The following DOP1B variants were observed in gnomAD, a reference collection of about 807,000 sequenced individuals.
DOP1B encodes the protein DOP1 leucine zipper like protein B.
A neutral mutation model predicts 233.5 loss-of-function variants in DOP1B; 174 were observed. The observed-to-expected ratio is 0.75, with a 90% CI of 0.66 to 0.85. The LOEUF (loss-of-function observed/expected upper bound fraction) is 0.85. Among genes scored for constraint, DOP1B ranks in the 40% least tolerant of loss-of-function variants. The probability of loss-of-function intolerance (pLI) is 0.00; values close to 1 mark genes in which losing one functional copy is unlikely to be tolerated. For synonymous variants in DOP1B, 1,190 were observed against 1,185.6 expected, an observed-to-expected ratio of 1.00 and a Z score of -0.08; for missense variants, 2,652 against 2,846.6, an observed-to-expected ratio of 0.93 and a Z score of 1.56.
intron 12 of DOP1B, among the ~76,000 whole-genome samples, chr21:36,227,383 T>TA (rs1291396099): frequency 6.8e-6 from 1 of 146,176 alleles, no homozygotes; most frequent in Non-Finnish European, 1.5e-5. Context: ...CCATCTCTAC[T>TA]AAACATACAA....
chr21:36,253,741 GC>G (rs1380940308), intron 22 of DOP1B, 30 bp from the exon 23 acceptor site: 1 of 1,605,810 alleles, frequency 6.2e-7, no homozygotes, highest in East Asian at 2.2e-5. Flanking sequence ...CTCTCTATAA[GC>G]TTTCAAGGAA....
At chr21:36,259,535 A>G (rs1216210685) in intron 23 of DOP1B, among the ~76,000 whole-genome samples, 1 of 152,184 alleles carries the variant, frequency 6.6e-6, no homozygotes, top group Non-Finnish European at 1.5e-5. Context: ...GGCTTCCCAA[A>G]CTTCCGGGAT....
intron 10 of DOP1B, among the ~76,000 whole-genome samples, chr21:36,222,116 C>A (rs978770391): frequency 6.6e-6 from 1 of 151,734 alleles, no homozygotes; most frequent in Non-Finnish European, 1.5e-5. Flanking sequence ...AAGTGATCTG[C>A]CTGCCTCGGC....
At chr21:36,291,001 TG>T (rs1278299997) in intron 35 of DOP1B, among the ~76,000 whole-genome samples, 1 of 148,464 alleles carries the variant, frequency 6.7e-6, no homozygotes, top group African/African-American at 2.5e-5. Context: ...CAGTGGCTCA[TG>T]TCTGTAACCC....
At chr21:36,186,956 T>A (rs1333106900) in intron 2 of DOP1B, among the ~76,000 whole-genome samples, 1 of 152,020 alleles carries the variant, frequency 6.6e-6, no homozygotes, top group African/African-American at 2.4e-5. Context: ...CCATTGACTT[T>A]CGGGGCCCGT....
At chr21:36,252,615 G>A (rs62232367) in intron 22 of DOP1B, among the ~76,000 whole-genome samples, 31,760 of 150,884 alleles carry the variant, frequency 0.21, 4,314 homozygotes, top group Non-Finnish European at 0.3. Flanking sequence ...CTGAGTTTAA[G>A]CAATTCTCCT....
chr21:36,243,866 T>C (rs2066921912), intron 18 of DOP1B, among the ~76,000 whole-genome samples: 1 of 151,260 alleles, frequency 6.6e-6, no homozygotes, highest in Admixed American at 6.6e-5. Flanking sequence ...AGAGATGGAG[T>C]TTTTCCATGT....
chr21:36,166,749 A>G (rs1385010113), intron 2 of DOP1B, among the ~76,000 whole-genome samples: 4 of 152,142 alleles, frequency 2.6e-5, no homozygotes, highest in Non-Finnish European at 5.9e-5. Flanking sequence ...CCCCAGGCCA[A>G]ACACACCAGG....
chr21:36,181,611 C>T (rs2066099478), intron 2 of DOP1B, among the ~76,000 whole-genome samples: 1 of 152,192 alleles, frequency 6.6e-6, no homozygotes, highest in Non-Finnish European at 1.5e-5. Context: ...ACGTGGCTTT[C>T]ACAGTTCCTC....
intron 32 of DOP1B, 108 bp from the exon 33 acceptor site, chr21:36,287,906 T>C: frequency 7.2e-7 from 1 of 1,383,446 alleles, no homozygotes. Context: ...TTCCTTACAC[T>C]GGGTTGTTAC....
Position 36,288,135 on chromosome 21 carries a change from A to G in DOP1B, c.6282A>G (p.Ile2094Met). Residue 2094 changes from isoleucine to methionine, a missense_variant, in exon 33 of 37, where the codon ATA (isoleucine) becomes ATG (methionine). Ile to Met is a conservative substitution (Grantham distance 10). This residue lies in a region of DOP1B where 2,617 missense variants were observed against 2,794.3 expected (regional missense o/e 0.94). Coordinates refer to ENST00000691173, the MANE Select transcript of DOP1B (RefSeq NM_001320714.2). Reference protein sequence around the residue: ...SPQHLTSLWPIMVSELIQTFT... With the variant: ...SPQHLTSLWPMMVSELIQTFT... The stretch of plus-strand genomic sequence containing the variant: ...AACATTTGACTTCATTGTGGCCAAT[A>G]ATGGTCTCTGAATTGGTGAGTACAA... 1 of 1,613,714 alleles carries G rather than the reference A, an allele frequency of 6.2e-7. No homozygotes were observed. Among genetic ancestry groups the G allele is most frequent in the Non-Finnish European group, 8.5e-7 (1 of 1,179,928 alleles).
intron 32 of DOP1B, among the ~76,000 whole-genome samples, chr21:36,286,211 C>T (rs7280997): frequency 0.41 from 62,841 of 151,594 alleles, 13,102 homozygotes; most frequent in Middle Eastern, 0.51. Context: ...TGAAAGGATA[C>T]GAAGGTGCAA....
chr21:36,230,137 A>C (rs74276131), intron 13 of DOP1B, among the ~76,000 whole-genome samples: 10,557 of 152,220 alleles, frequency 0.069, 662 homozygotes, highest in East Asian at 0.25. Flanking sequence ...CGCCTGGCAG[A>C]AACAATTCTT....
In DOP1B at chr21:36,251,219, C is replaced by G. The variant is rs1253603011; in HGVS notation, c.5056C>G (p.Gln1686Glu). 1 of 1,614,016 alleles carries G rather than the reference C, an allele frequency of 6.2e-7. No homozygotes were observed. The highest frequency in any genetic ancestry group is 8.5e-7 in the Non-Finnish European group (1 of 1,179,994). Residue 1686 changes from glutamine (Q) to glutamate (E), a missense_variant, in exon 22 of 37, where the codon CAG becomes GAG. Coordinates refer to ENST00000691173, the MANE Select transcript of DOP1B (RefSeq NM_001320714.2). ...CCCCTTGACGGCCCATCTTGGGGTT[C>G]AGTTGACAGCGGCTGTTGCGGCAGT... ...LNPLTAHLGVQLTAAVAAVWS... is the reference protein window; with the variant it reads ...LNPLTAHLGVELTAAVAAVWS...
In DOP1B at chr21:36,200,363, C is replaced by T. The variant is rs944654306; in HGVS notation, c.353C>T (p.Ala118Val). The T allele has an allele frequency of 3.7e-6, 6 of 1,608,074 alleles. No individual in the cohort carries two copies. Among genetic ancestry groups the T allele is most frequent in the South Asian group, 1.1e-5 (1 of 90,406 alleles). The change falls in exon 4 of 37, where the codon GCG (alanine) becomes GTG (valine). Residue 118 changes from alanine (A) to valine (V), a missense_variant. Around this residue, in one of 3 missense-constraint regions of DOP1B, gnomAD observed 2,617 missense variants for 2,794.3 expected, o/e 0.94. Coordinates refer to ENST00000691173, the MANE Select transcript of DOP1B (RefSeq NM_001320714.2). ...CGLFPLLAHA[A>V]VSVRPVLLTL... ...TTATTTCCTCTCCTGGCACACGCGG[C>T]GGTGTCGGTGAGGCCGGTGCTGCTC...
chr21:36,165,663 C>A lies in DOP1B; in HGVS notation c.138+792C>A, dbSNP rs116048366. Among the ~76,000 whole-genome samples the A allele has an allele frequency of 9.5e-3, 1,452 of 152,046 alleles. 25 individuals carry two copies. Among genetic ancestry groups the A allele is most frequent in the African/African-American group, 0.032 (1,323 of 41,448 alleles). ...CACTGGGTTCTCACTGGAGCATAAACCCTATCGTGAACTGCACATGTGAGG... is the reference window on the plus strand; with the variant it reads ...CACTGGGTTCTCACTGGAGCATAAAACCTATCGTGAACTGCACATGTGAGG... On this transcript the variant is annotated intron_variant, in intron 2 of 36. Coordinates refer to ENST00000691173, the MANE Select transcript of DOP1B (RefSeq NM_001320714.2).
chr21:36,288,990 G>A (rs1318098496), intron 34 of DOP1B, 55 bp from the exon 35 acceptor site: 1 of 1,583,088 alleles, frequency 6.3e-7, no homozygotes, highest in Non-Finnish European at 8.6e-7. Context: ...ATAGGTGAAT[G>A]GACTATAACA....
rs2067414268 is a variant in DOP1B at position 36,281,421 on chromosome 21, C to T, written c.6032-62C>T. 2.3e-5 allele frequency: 34 copies of T among 1,497,038 alleles called. 2 individuals are homozygous for T. In the South Asian group the frequency reaches 3.1e-4, roughly 14 times the overall value. 92.7% of individuals were successfully genotyped at this position (1,497,038 alleles called of 1,614,324 possible). On this transcript the variant is annotated intron_variant, in intron 31 of 36. Transcript: ENST00000691173. ...TATAGAATTACACTAGTATGAATTTCCCATCACTTCCCTCCAATTGTGGTT... is the reference window on the plus strand; with the variant it reads ...TATAGAATTACACTAGTATGAATTTTCCATCACTTCCCTCCAATTGTGGTT...
intron 15 of DOP1B, among the ~76,000 whole-genome samples, chr21:36,233,884 C>T (rs906964811): frequency 3.3e-5 from 5 of 152,010 alleles, no homozygotes; most frequent in Admixed American, 6.6e-5. Context: ...GACGGAGTCC[C>T]GCTCTGTCAC....
Sources: allele counts gnomAD v4.1 joint callset (sites outside exome capture counted in the v4.1 genomes callset), GRCh38; gene constraint gnomAD v4.1.1; regional missense constraint gnomAD v4.1.1; transcripts MANE v1.5; gene names NCBI Gene and HGNC (gene_info 2026-07-23, HGNC 2026-07-21).